TRAK1: variants seen among roughly 807,000 people sequenced by gnomAD.
The protein encoded by TRAK1 is trafficking kinesin protein 1.
In TRAK1, 33 loss-of-function variants were observed where a neutral mutation model predicts 92.1. That is an observed-to-expected ratio of 0.36 (90% CI 0.27 to 0.48). The LOEUF (loss-of-function observed/expected upper bound fraction) is 0.48, where lower values mean the gene tolerates loss of function less well. Among genes scored for constraint, TRAK1 ranks in the 20% least tolerant of loss-of-function variants. The pLI, the probability that TRAK1 is intolerant of heterozygous loss-of-function variation, is 0.99. For missense variants in TRAK1, 1,123 were observed against 1,257.9 expected, an observed-to-expected ratio of 0.89 and a Z score of 1.62; for synonymous variants, 521 against 517.3, an observed-to-expected ratio of 1.01 and a Z score of -0.10.
chr3:42,025,961 TTTTTC>T (rs1345170900), intron 1 of TRAK1, among the ~76,000 whole-genome samples: 2 of 152,162 alleles, frequency 1.3e-5, no homozygotes, highest in Non-Finnish European at 2.9e-5. Flanking sequence ...CCCATGAACT[TTTTTC>T]TTTTCTTTCT....
At chr3:42,117,755 G>A (rs1386965188) in intron 1 of TRAK1, among the ~76,000 whole-genome samples, 1 of 152,088 alleles carries the variant, frequency 6.6e-6, no homozygotes, top group Non-Finnish European at 1.5e-5. Flanking sequence ...CCTCTGTGGA[G>A]GAGGAGGTCC....
chr3:42,167,945 C>T (rs1437543898), intron 2 of TRAK1, among the ~76,000 whole-genome samples: 1 of 152,172 alleles, frequency 6.6e-6, no homozygotes, highest in African/African-American at 2.4e-5. Context: ...GTAGTTAATT[C>T]ACTAGGACTA....
chr3:42,184,338 C>A (rs1704481327), intron 3 of TRAK1, among the ~76,000 whole-genome samples: 1 of 152,242 alleles, frequency 6.6e-6, no homozygotes, highest in Admixed American at 6.5e-5. Flanking sequence ...AATAGCCCAG[C>A]CCTCAGGTGG....
At chr3:42,114,634 T>C (rs1040400104) in intron 1 of TRAK1, among the ~76,000 whole-genome samples, 1 of 152,232 alleles carries the variant, frequency 6.6e-6, no homozygotes, top group African/African-American at 2.4e-5. Context: ...TTTAATTACA[T>C]TCATACAGCA....
At chr3:42,085,201 T>C (rs1333471076), upstream of TRAK1, among the ~76,000 whole-genome samples, 1 of 152,136 alleles carries the variant, frequency 6.6e-6, no homozygotes, top group Non-Finnish European at 1.5e-5. Context: ...AGAGTCTTGC[T>C]CTGTTGCCCA....
In TRAK1 at chr3:42,202,693, T is replaced by C. The variant is rs761533716; in HGVS notation, c.1685T>C (p.Met562Thr). The C allele has an allele frequency of 6.2e-7, 1 of 1,613,564 alleles. No homozygotes were observed. The highest frequency in any genetic ancestry group is 8.5e-7 in the Non-Finnish European group (1 of 1,179,926). ...TCCGAGTTCACCGGCTTCTCTGGCA[T>C]GTCCTTCAGCAGCCGCTCCTACCTG... Reference protein sequence around the residue: ...RFSEFTGFSGMSFSSRSYLPE... With the variant: ...RFSEFTGFSGTSFSSRSYLPE... The change falls in exon 13 of 16, where the codon ATG becomes ACG. Residue 562 changes from methionine (M) to threonine (T), a missense_variant. Around this residue, in one of 3 missense-constraint regions of TRAK1, gnomAD observed 686 missense variants for 747.6 expected, o/e 0.92. Coordinates refer to ENST00000327628, the MANE Select transcript of TRAK1 (RefSeq NM_001042646.3). The surrounding 1 kb of genome is among the most constrained non-coding windows in gnomAD (Gnocchi z 6.1).
chr3:42,179,107 C>T (rs1387943532), intron 3 of TRAK1, among the ~76,000 whole-genome samples: 2 of 152,182 alleles, frequency 1.3e-5, no homozygotes, highest in African/African-American at 2.4e-5. Flanking sequence ...CATGAACCAC[C>T]GTACCCAGCC....
At chr3:42,197,004 A>T (rs7427853) in intron 10 of TRAK1, among the ~76,000 whole-genome samples, 2,239 of 48,434 alleles carry the variant, frequency 0.046, 57 homozygotes, top group African/African-American at 0.12. Flanking sequence ...TCTCTCTCTC[A>T]CACACACACA....
At chr3:42,135,694 G>A (rs974321149) in intron 2 of TRAK1, among the ~76,000 whole-genome samples, 8 of 152,164 alleles carry the variant, frequency 5.3e-5, no homozygotes, top group African/African-American at 1.2e-4. Flanking sequence ...TCTCTTCCTC[G>A]TCTGACTAGT....
intron 1 of TRAK1, among the ~76,000 whole-genome samples, chr3:42,112,258 C>T (rs1708531915): frequency 6.8e-6 from 1 of 147,782 alleles, no homozygotes; most frequent in South Asian, 2.1e-4. Context: ...CGATACTAGC[C>T]TGGCCAACAT....
intron 1 of TRAK1, among the ~76,000 whole-genome samples, chr3:42,048,176 T>TC (rs1409218575): frequency 1.3e-5 from 2 of 152,062 alleles, no homozygotes; most frequent in Admixed American, 1.3e-4. Flanking sequence ...AATCTGCAGG[T>TC]CCCCCTCCAG....
chr3:42,047,208 T>C (rs1173303488), intron 1 of TRAK1, among the ~76,000 whole-genome samples: 14 of 112,658 alleles, frequency 1.2e-4, no homozygotes, highest in Admixed American at 1.1e-3. Flanking sequence ...ATCTTTTTTT[T>C]TTTTTTTTTT....
intron 1 of TRAK1, among the ~76,000 whole-genome samples, chr3:42,059,651 C>G (rs73062413): frequency 0.01 from 1,523 of 152,204 alleles, 11 homozygotes; most frequent in Non-Finnish European, 0.017. Flanking sequence ...AAAAATCATC[C>G]AACTCAGAAA....
At chr3:42,181,530 C>G (rs144165145) in intron 3 of TRAK1, among the ~76,000 whole-genome samples, 1 of 152,070 alleles carries the variant, frequency 6.6e-6, no homozygotes, top group Non-Finnish European at 1.5e-5. Flanking sequence ...GGCGACAGAT[C>G]GAGACTCCAT....
intron 2 of TRAK1, among the ~76,000 whole-genome samples, chr3:42,155,904 T>C (rs1012636528): frequency 5.3e-5 from 8 of 152,142 alleles, no homozygotes; most frequent in African/African-American, 1.7e-4. Flanking sequence ...GTCAAGTAGA[T>C]GTGAGCAGGA....
chr3:42,025,446 A>G (rs1701877167), intron 1 of TRAK1, among the ~76,000 whole-genome samples: 1 of 152,198 alleles, frequency 6.6e-6, no homozygotes, highest in African/African-American at 2.4e-5. Context: ...ATTAATTGGC[A>G]CAATTATTAC....
chr3:42,057,260 G>A (rs1576200646), intron 1 of TRAK1, among the ~76,000 whole-genome samples: 6 of 152,310 alleles, frequency 3.9e-5, no homozygotes, highest in Admixed American at 3.9e-4. Flanking sequence ...AGCTCCTGGA[G>A]GGCTGGAATC....
intron 14 of TRAK1, among the ~76,000 whole-genome samples, chr3:42,216,315 A>G (rs1249250974): frequency 6.6e-6 from 1 of 152,118 alleles, no homozygotes; most frequent in Non-Finnish European, 1.5e-5. Context: ...CTCCCTCCTC[A>G]CTGGCTGCAG....
At chr3:42,142,370 C>T (rs1308340702) in intron 2 of TRAK1, among the ~76,000 whole-genome samples, 1 of 152,154 alleles carries the variant, frequency 6.6e-6, no homozygotes, top group African/African-American at 2.4e-5. Context: ...TTGTTAGTGT[C>T]TTACTGTTAT....
Sources: gnomAD v4.1 joint callset for allele counts (sites outside exome capture counted in the v4.1 genomes callset) on GRCh38, gnomAD v4.1.1 for gene constraint, gnomAD v4.1.1 regional missense constraint, Gnocchi (gnomAD v3.1) non-coding constraint, MANE v1.5 for transcripts, NCBI Gene and HGNC (gene_info 2026-07-23, HGNC 2026-07-21) for gene names.